Variants in ZNF10 observed in about 807,000 individuals in gnomAD.
ZNF10 encodes the protein zinc finger protein 10 (KOX 1).
ZNF10 carries 8 observed loss-of-function variants against 12.2 expected under a neutral mutation model. The ratio of observed to expected loss-of-function variants is 0.66; its 90% CI spans 0.39 to 1.18. The LOEUF (loss-of-function observed/expected upper bound fraction) is 1.18, where lower values mean the gene tolerates loss of function less well. Ranked by LOEUF, ZNF10 falls within the 50% of genes most tolerant of loss-of-function variation. The pLI is 0.01. For missense variants in ZNF10, 603 were observed against 678.9 expected, an observed-to-expected ratio of 0.89 and a Z score of 1.24; for synonymous variants, 229 against 228.2, an observed-to-expected ratio of 1.00 and a Z score of -0.03.
At position 133,134,244 on chromosome 12, in the gene ZNF10, C is replaced by T. The variant is rs898161530; in HGVS notation, c.-60+3490C>T. ...AGGAGAATCACTTGAACCCAAGAGGCGGCGGTTGCAATGAGCCGAGATTGC... is the reference window on the plus strand; with the variant it reads ...AGGAGAATCACTTGAACCCAAGAGGTGGCGGTTGCAATGAGCCGAGATTGC... On this transcript the variant is annotated intron_variant, in intron 1 of 4. Transcript: ENST00000248211. Among the ~76,000 whole-genome samples the T allele has an allele frequency of 4.0e-4, 60 of 151,060 alleles. 1 individual carries two copies. Among genetic ancestry groups the T allele is most frequent in the Non-Finnish European group, 6.5e-4 (44 of 67,856 alleles).
chr12:133,132,608 ACT>A (rs1483952259), intron 1 of ZNF10, among the ~76,000 whole-genome samples: 1 of 152,020 alleles, frequency 6.6e-6, no homozygotes, highest in Non-Finnish European at 1.5e-5. Context: ...CATCAGCAGT[ACT>A]CTTTCTAGCA....
At chr12:133,135,580 A>G (rs1334056399) in intron 1 of ZNF10, among the ~76,000 whole-genome samples, 1 of 152,134 alleles carries the variant, frequency 6.6e-6, no homozygotes, top group Non-Finnish European at 1.5e-5. Context: ...TGACCCAAAC[A>G]GCACAGCCTC....
At position 133,156,386 on chromosome 12, in the gene ZNF10, T is replaced by C. The variant is rs1382374285; in HGVS notation, c.1140T>C (p.Pro380=). The change falls in exon 5 of 5, where the codon CCT becomes CCC. Residue 380 remains proline (P), a synonymous_variant. Transcript: ENST00000248211. ...THTGEKPYEC[P]ECGKSFRQST... ...CTGGAGAGAAACCCTATGAATGTCC[T>C]GAATGTGGGAAATCTTTCAGACAGA... 10 of 1,613,946 alleles carry C rather than the reference T, an allele frequency of 6.2e-6. No individual in the cohort carries two copies. Among genetic ancestry groups the C allele is most frequent in the Non-Finnish European group, 1.7e-6 (2 of 1,179,994 alleles).
rs1956044534 is a variant in ZNF10 at position 133,156,710 on chromosome 12, A to G, written c.1464A>G (p.Pro488=). ...VHQRIHTGEK[P]YECCQCGKAF... is the part of the protein sequence containing the mutation. ...AGAGGATACACACTGGAGAGAAACC[A>G]TATGAATGCTGTCAGTGTGGGAAAG... is the stretch of plus-strand genomic sequence containing the variant. Residue 488 remains proline, a synonymous_variant, in exon 5 of 5, where the codon CCA becomes CCG. Transcript: ENST00000248211. 6.2e-6 allele frequency: 10 copies of G among 1,613,308 alleles called. No individual in the cohort carries two copies. Among genetic ancestry groups the G allele is most frequent in the Non-Finnish European group, 8.5e-6 (10 of 1,179,760 alleles).
rs1218238189 is a variant in ZNF10 at position 133,156,158 on chromosome 12, G to A, written c.912G>A (p.Arg304=). Residue 304 remains arginine, a synonymous_variant, in exon 5 of 5, where the codon CGG becomes CGA. Coordinates refer to ENST00000248211, the MANE Select transcript of ZNF10 (RefSeq NM_015394.5). ...AAGAATGTGGAAAGTCTTTCAGCCGGAGTTCTCACCTCATTGGACATCAAA... is the reference window on the plus strand; with the variant it reads ...AAGAATGTGGAAAGTCTTTCAGCCGAAGTTCTCACCTCATTGGACATCAAA... ...ECKECGKSFS[R]SSHLIGHQKT... is the part of the protein sequence containing the mutation. 1 of 1,613,654 alleles carries A rather than the reference G, an allele frequency of 6.2e-7. No homozygotes were observed. The highest frequency in any genetic ancestry group is 8.5e-7 in the Non-Finnish European group (1 of 1,180,026).
At chr12:133,139,419 C>T (rs1240375976) in intron 1 of ZNF10, among the ~76,000 whole-genome samples, 1 of 152,178 alleles carries the variant, frequency 6.6e-6, no homozygotes, top group Non-Finnish European at 1.5e-5. Context: ...TTTGATAAAA[C>T]ATTTAGGGCA....
intron 1 of ZNF10, among the ~76,000 whole-genome samples, chr12:133,139,443 A>G (rs1212200113): frequency 6.6e-6 from 1 of 152,222 alleles, no homozygotes; most frequent in Non-Finnish European, 1.5e-5. Flanking sequence ...GGAGGTAGAA[A>G]AGCCACAATC....
intron 4 of ZNF10, among the ~76,000 whole-genome samples, chr12:133,154,122 G>C (rs565760010): frequency 9.9e-5 from 15 of 151,756 alleles, no homozygotes; most frequent in African/African-American, 3.1e-4. Flanking sequence ...TTGTCGGCGG[G>C]GGGGATACAG....
intron 1 of ZNF10, among the ~76,000 whole-genome samples, chr12:133,133,619 C>T (rs563959823): frequency 3.2e-4 from 49 of 152,226 alleles, no homozygotes; most frequent in African/African-American, 1.1e-3. Flanking sequence ...AGTGGGAAGG[C>T]GTCACAGCAT....
At chr12:133,141,000 G>A (rs1358600307) in intron 1 of ZNF10, among the ~76,000 whole-genome samples, 4 of 152,006 alleles carry the variant, frequency 2.6e-5, no homozygotes, top group African/African-American at 9.7e-5. Flanking sequence ...AGGATTATTG[G>A]GAACAGTATC....
At chr12:133,149,352 CTTTTTTTTTTTTTTT>C (rs144304054) in intron 2 of ZNF10, among the ~76,000 whole-genome samples, 1 of 85,806 alleles carries the variant, frequency 1.2e-5, no homozygotes, top group Non-Finnish European at 2.2e-5. Context: ...TTTGCTATTG[CTTTTTTTTTTTTTTT>C]TTTTTTTTTA....
rs1593835258 is a variant in ZNF10, at chr12:133,130,692, G to C, written c.-122G>C. On this transcript the variant is annotated 5_prime_UTR_variant, in exon 1 of 5. Transcript: ENST00000248211. ...ATGGAGTCGCGTTCTCTGTTTTGCT[G>C]TTGCTGCTGCCTTTGTGACGGGATC... is the stretch of plus-strand genomic sequence containing the variant. 1 of 152,526 alleles carries C rather than the reference G, an allele frequency of 6.6e-6. No homozygotes were observed. Among genetic ancestry groups the C allele is most frequent in the East Asian group, 1.9e-4 (1 of 5,206 alleles). 9.4% of individuals were successfully genotyped at this position (152,526 alleles called of 1,614,324 possible).
chr12:133,157,082 C>A lies in ZNF10; in HGVS notation c.*114C>A. On this transcript the variant is annotated 3_prime_UTR_variant, in exon 5 of 5. Transcript: ENST00000248211. ...GAAATGCTTTCAGTCTTGTTACTAT[C>A]CTATTGCACATTAGAGAATTGGTCC... The A allele has an allele frequency of 1.0e-6, 1 of 961,862 alleles. No homozygotes were observed. Among genetic ancestry groups the A allele is most frequent in the Non-Finnish European group, 1.4e-6 (1 of 720,726 alleles). The allele number at this position is 961,862 out of a possible 1,614,324, so 59.6% of individuals were successfully genotyped here.
At chr12:133,132,603 G>T (rs182667666) in intron 1 of ZNF10, among the ~76,000 whole-genome samples, 7 of 152,222 alleles carry the variant, frequency 4.6e-5, no homozygotes, top group African/African-American at 1.7e-4. Context: ...ACTTTCATCA[G>T]CAGTACTCTT....
At chr12:133,141,471 G>T (rs534778514) in intron 1 of ZNF10, among the ~76,000 whole-genome samples, 1 of 151,998 alleles carries the variant, frequency 6.6e-6, no homozygotes, top group Non-Finnish European at 1.5e-5. Flanking sequence ...ACTGTATTTC[G>T]TATTGCTAAG....
chr12:133,134,305 T>C (rs1309329858), intron 1 of ZNF10, among the ~76,000 whole-genome samples: 2 of 148,286 alleles, frequency 1.3e-5, no homozygotes, highest in Admixed American at 6.7e-5. Flanking sequence ...AGAGCAAGAC[T>C]CCCTCTCAAA....
chr12:133,146,888 C>T (rs1324450021), intron 2 of ZNF10, among the ~76,000 whole-genome samples: 1 of 151,928 alleles, frequency 6.6e-6, no homozygotes, highest in African/African-American at 2.4e-5. Flanking sequence ...AACCCATGAT[C>T]CTAGAATTCC....
In ZNF10 at chr12:133,139,944, C is replaced by G. The variant is rs142328459; in HGVS notation, c.-59-4490C>G. 3.6e-3 allele frequency among the ~76,000 whole-genome samples: 550 copies of G among 152,030 alleles called. 2 individuals are homozygous for G. Among genetic ancestry groups the G allele is most frequent in the African/African-American group, 0.011 (456 of 41,478 alleles). On this transcript the variant is annotated intron_variant, in intron 1 of 4. Transcript: ENST00000248211. The stretch of plus-strand genomic sequence containing the variant: ...CCAGGCTGGGCATGGTGACCCACAC[C>G]TGTAATCCCAGTACTTTGAGAGGCC...
At chr12:133,134,063 C>T (rs1408939703) in intron 1 of ZNF10, among the ~76,000 whole-genome samples, 1 of 151,154 alleles carries the variant, frequency 6.6e-6, no homozygotes, top group African/African-American at 2.4e-5. Context: ...CTTTGGGAGG[C>T]CAAGGTGGGG....
Sources: gnomAD v4.1 joint callset for allele counts (sites outside exome capture counted in the v4.1 genomes callset) on GRCh38, gnomAD v4.1.1 for gene constraint, MANE v1.5 for transcripts, NCBI Gene and HGNC (gene_info 2026-07-23, HGNC 2026-07-21) for gene names.